HTR7: variants seen among roughly 807,000 people sequenced by gnomAD.
HTR7 encodes the protein 5-hydroxytryptamine receptor 7.
A neutral mutation model predicts 34.0 loss-of-function variants in HTR7; 16 were observed. That is an observed-to-expected ratio of 0.47 (90% CI 0.32 to 0.71). The LOEUF (loss-of-function observed/expected upper bound fraction) is 0.71. Ranked by LOEUF, HTR7 falls within the 30% of genes least tolerant of loss-of-function variation. The probability of loss-of-function intolerance (pLI) is 0.04; values close to 1 mark genes in which losing one functional copy is unlikely to be tolerated. For missense variants in HTR7, 504 were observed against 625.5 expected, an observed-to-expected ratio of 0.81 and a Z score of 2.07; for synonymous variants, 265 against 260.2, an observed-to-expected ratio of 1.02 and a Z score of -0.18.
intron 1 of HTR7, among the ~76,000 whole-genome samples, chr10:90,800,161 G>A (rs1006805777): frequency 2.0e-5 from 3 of 152,062 alleles, no homozygotes; most frequent in Non-Finnish European, 4.4e-5. Context: ...GACAAAGTGT[G>A]GTGTGAATGT....
rs1564705809 is a variant in HTR7, at chr10:90,857,779, TG to T, written c.-109del. ...GGTTCCGCTCCGCCCGGCCCAGCCA[TG>T]GGGCCCGCGCCGACCGCTGGGGGGC... is the stretch of plus-strand genomic sequence containing the variant. On this transcript the variant is annotated 5_prime_UTR_variant, in exon 1 of 4. Coordinates refer to ENST00000336152, the MANE Select transcript of HTR7 (RefSeq NM_019859.4). This position sits in a 1 kb window ranked among gnomAD's most constrained non-coding sequence, Gnocchi z 6.5. The T allele has an allele frequency of 8.6e-7, 1 of 1,158,224 alleles. No individual in the cohort carries two copies. The highest frequency in any genetic ancestry group is 1.1e-6 in the Non-Finnish European group (1 of 893,752). The allele number at this position is 1,158,224 out of a possible 1,614,324, so 71.7% of individuals were successfully genotyped here. A position where few individuals can be genotyped will look rare whatever the true frequency, so the allele number is the denominator to read the frequency against.
chr10:90,768,072 A>T (rs576852651), intron 1 of HTR7, among the ~76,000 whole-genome samples: 1 of 152,278 alleles, frequency 6.6e-6, no homozygotes, highest in South Asian at 2.1e-4. Flanking sequence ...TATCATCTCC[A>T]CAAAACTGAA....
intron 1 of HTR7, among the ~76,000 whole-genome samples, chr10:90,790,803 C>G (rs748593970): frequency 6.7e-6 from 1 of 150,096 alleles, no homozygotes; most frequent in Non-Finnish European, 1.5e-5. Flanking sequence ...CAATATTATG[C>G]AGAGAGAGAG....
intron 1 of HTR7, among the ~76,000 whole-genome samples, chr10:90,806,345 TC>T (rs1845706215): frequency 6.6e-6 from 1 of 152,160 alleles, no homozygotes; most frequent in African/African-American, 2.4e-5. Flanking sequence ...ACGCCTGTAA[TC>T]CCAACACTTT....
chr10:90,821,784 G>A (rs1044707987), intron 1 of HTR7, among the ~76,000 whole-genome samples: 13 of 152,238 alleles, frequency 8.5e-5, no homozygotes, highest in East Asian at 7.7e-4. Context: ...GGACTTCCCC[G>A]TTGCTATTCT....
intron 1 of HTR7, among the ~76,000 whole-genome samples, chr10:90,790,026 T>C (rs899432538): frequency 1.3e-5 from 2 of 152,166 alleles, no homozygotes; most frequent in African/African-American, 2.4e-5. Flanking sequence ...CACATTGTAC[T>C]GGAAACTTTC....
At chr10:90,750,261 C>T (rs1340658818) in intron 1 of HTR7, among the ~76,000 whole-genome samples, 2 of 152,102 alleles carry the variant, frequency 1.3e-5, no homozygotes, top group Admixed American at 1.3e-4. Context: ...ATAAAAGCAG[C>T]CTGACTTCTC....
chr10:90,845,612 T>A (rs1325425819), intron 1 of HTR7, among the ~76,000 whole-genome samples: 2 of 152,220 alleles, frequency 1.3e-5, no homozygotes, highest in Non-Finnish European at 2.9e-5. Context: ...GAAACCTAAG[T>A]AGCACAAAAC....
intron 1 of HTR7, among the ~76,000 whole-genome samples, chr10:90,841,382 C>T (rs1448998889): frequency 6.6e-6 from 1 of 152,072 alleles, no homozygotes; most frequent in Non-Finnish European, 1.5e-5. Flanking sequence ...ATTTTTTATC[C>T]CGCAGTTCTG....
At chr10:90,813,444 C>T (rs1215946053) in intron 1 of HTR7, among the ~76,000 whole-genome samples, 3 of 151,612 alleles carry the variant, frequency 2.0e-5, no homozygotes, top group Admixed American at 6.6e-5. Context: ...GTCGCTTGAA[C>T]GCGGGTGGCA....
chr10:90,839,140 G>C (rs1282204382), intron 1 of HTR7, among the ~76,000 whole-genome samples: 1 of 152,114 alleles, frequency 6.6e-6, no homozygotes, highest in East Asian at 1.9e-4. Context: ...TCACCTTTGT[G>C]GCCCAGAAAA....
intron 1 of HTR7, among the ~76,000 whole-genome samples, chr10:90,750,942 A>G (rs1348303259): frequency 6.6e-6 from 1 of 152,186 alleles, no homozygotes; most frequent in East Asian, 1.9e-4. Flanking sequence ...TGTTGGGGAT[A>G]GGACAGTGAG....
At chr10:90,829,531 C>G (rs564984198) in intron 1 of HTR7, among the ~76,000 whole-genome samples, 1 of 152,254 alleles carries the variant, frequency 6.6e-6, no homozygotes, top group Admixed American at 6.5e-5. Context: ...GCCCCCCACC[C>G]TGACAGGCCC....
chr10:90,776,185 T>C (rs1027676260), intron 1 of HTR7, among the ~76,000 whole-genome samples: 1 of 152,210 alleles, frequency 6.6e-6, no homozygotes, highest in Non-Finnish European at 1.5e-5. Context: ...AGGGTCTACC[T>C]GCTCTTTGTT....
chr10:90,830,035 C>A (rs1421145708), intron 1 of HTR7, among the ~76,000 whole-genome samples: 5 of 152,158 alleles, frequency 3.3e-5, no homozygotes, highest in Non-Finnish European at 7.3e-5. Flanking sequence ...TCAATGCAAT[C>A]CATATCAAAA....
intron 1 of HTR7, among the ~76,000 whole-genome samples, chr10:90,791,324 A>G (rs964856707): frequency 1.3e-5 from 2 of 152,102 alleles, no homozygotes; most frequent in South Asian, 4.1e-4. Context: ...TGTATATTAT[A>G]CACAATACCT....
chr10:90,826,210 T>G (rs1846070537), intron 1 of HTR7, among the ~76,000 whole-genome samples: 1 of 151,762 alleles, frequency 6.6e-6, no homozygotes. Flanking sequence ...TTTAAAATAC[T>G]AAAGAAAAAA....
intron 1 of HTR7, among the ~76,000 whole-genome samples, chr10:90,824,057 G>T (rs1354360693): frequency 6.6e-6 from 1 of 152,220 alleles, no homozygotes; most frequent in East Asian, 1.9e-4. Flanking sequence ...ACACAGGAGG[G>T]CTTGTACTAA....
intron 1 of HTR7, among the ~76,000 whole-genome samples, chr10:90,756,764 A>G (rs1052395237): frequency 6.6e-6 from 1 of 152,188 alleles, no homozygotes; most frequent in African/African-American, 2.4e-5. Context: ...TTCATATATT[A>G]TATTTGTTAA....
Sources: gnomAD v4.1 joint callset for allele counts (sites outside exome capture counted in the v4.1 genomes callset) on GRCh38, gnomAD v4.1.1 for gene constraint, Gnocchi (gnomAD v3.1) non-coding constraint, MANE v1.5 for transcripts, NCBI Gene and HGNC (gene_info 2026-07-23, HGNC 2026-07-21) for gene names.